Variants in NCLN observed in about 807,000 individuals in gnomAD.
The protein encoded by NCLN is BOS complex subunit NCLN.
Under a neutral mutation model 69.5 loss-of-function variants are expected in NCLN, and 34 were observed. The observed-to-expected ratio is 0.49, with a 90% CI of 0.37 to 0.65. The LOEUF (loss-of-function observed/expected upper bound fraction) is 0.65, where lower values mean the gene tolerates loss of function less well. NCLN is among the 30% of genes least tolerant of loss of function. The pLI, the probability that NCLN is intolerant of heterozygous loss-of-function variation, is 0.00. For missense variants in NCLN, 710 were observed against 804.8 expected (o/e 0.88, Z 1.42); for synonymous variants, 393 against 358.3 (o/e 1.10, Z -1.09).
chr19:3,194,080 G>A (rs1420902612), intron 3 of NCLN, among the ~76,000 whole-genome samples: 1 of 152,234 alleles, frequency 6.6e-6, no homozygotes, highest in Non-Finnish European at 1.5e-5. Context: ...ACAGGCAGGT[G>A]TGTCCTGGCC....
intron 3 of NCLN, among the ~76,000 whole-genome samples, 155 bp from the exon 4 acceptor site, chr19:3,196,028 C>T (rs1277859781): frequency 1.3e-5 from 2 of 152,168 alleles, no homozygotes; most frequent in Non-Finnish European, 2.9e-5. Context: ...AGGGGGAGCA[C>T]GGGCATCCTG....
Position 3,206,384 on chromosome 19 carries a change from C to A in NCLN, c.1458C>A (p.Tyr486Ter). Residue 486 changes from tyrosine (Y) to a stop codon, truncating the protein, a stop_gained, in exon 12 of 15, where the codon TAC becomes TAA. Transcript: ENST00000246117. LOFTEE classifies it high-confidence loss of function. ...CGCTGGAGCACCACCTGAGCCGCTA[C>A]CTGAAGGACGTGAAGCAGCACCACG... ...LSTLEHHLSR[Y>*]LKDVKQHHVK... The A allele has an allele frequency of 6.5e-7, 1 of 1,548,242 alleles. No individual in the cohort carries two copies. The highest frequency in any genetic ancestry group is 8.7e-7 in the Non-Finnish European group (1 of 1,146,940).
At chr19:3,200,299 A>G (rs962122677) in intron 5 of NCLN, among the ~76,000 whole-genome samples, 8 of 136,434 alleles carry the variant, frequency 5.9e-5, no homozygotes, top group African/African-American at 8.3e-5. Flanking sequence ...TTTTAAATTT[A>G]TTTTATTTAT....
chr19:3,186,275 C>G, intron 1 of NCLN, 61 bp downstream of exon 1: 3 of 1,391,768 alleles, frequency 2.2e-6, no homozygotes, highest in Non-Finnish European at 2.8e-6. Context: ...CACTCCGGCC[C>G]GGCGATCCCC....
chr19:3,189,059 A>G (rs1378414052), intron 1 of NCLN, among the ~76,000 whole-genome samples: 3 of 152,114 alleles, frequency 2.0e-5, no homozygotes, highest in Non-Finnish European at 2.9e-5. Flanking sequence ...TCCTTTCCCA[A>G]CTTCCTTCCT....
intron 6 of NCLN, among the ~76,000 whole-genome samples, 169 bp downstream of exon 6, chr19:3,201,795 C>A (rs909365537): frequency 6.6e-6 from 1 of 152,212 alleles, no homozygotes; most frequent in African/African-American, 2.4e-5. Flanking sequence ...TGAGCCCTCG[C>A]AGGCTCTGTC....
In NCLN at chr19:3,206,157, AC is replaced by A; in HGVS notation, c.1307del (p.Pro436GlnfsTer20). On this transcript the variant is annotated frameshift_variant, in exon 11 of 15. Coordinates refer to ENST00000246117, the MANE Select transcript of NCLN (RefSeq NM_020170.4). LOFTEE classifies it high-confidence loss of function. The stretch of plus-strand genomic sequence containing the variant: ...ATCCCCTCCTCTCTCCGCAGGGGAC[AC>A]CCCCAGACATGCCGGTGTTCACAGA... Reference protein sequence around the residue: ...VIYNLTEKGTPPDMPVFTEQM... With the variant: ...VIYNLTEKGTXPDMPVFTEQM... 1.6e-6 allele frequency: 2 copies of A among 1,246,336 alleles called. No individual in the cohort carries two copies. The highest frequency in any genetic ancestry group is 1.3e-5 in the South Asian group (1 of 74,778). 77.2% of individuals were successfully genotyped at this position (1,246,336 alleles called of 1,614,324 possible).
At chr19:3,195,471 G>T (rs1419903807) in intron 3 of NCLN, among the ~76,000 whole-genome samples, 1 of 152,102 alleles carries the variant, frequency 6.6e-6, no homozygotes, top group African/African-American at 2.4e-5. Flanking sequence ...GGAGGGTCTC[G>T]ATCTCCTGAC....
intron 1 of NCLN, among the ~76,000 whole-genome samples, chr19:3,188,983 T>C (rs1028287534): frequency 6.6e-6 from 1 of 152,206 alleles, no homozygotes; most frequent in African/African-American, 2.4e-5. Flanking sequence ...CACCACCATC[T>C]TCCCGGTGTG....
chr19:3,202,867 T>C (rs1163679069), intron 6 of NCLN, among the ~76,000 whole-genome samples: 8 of 152,092 alleles, frequency 5.3e-5, no homozygotes, highest in Non-Finnish European at 7.4e-5. Flanking sequence ...GCCTGGGGGC[T>C]TCTTGGCAGC....
At chr19:3,203,525 C>T (rs1284987383) in intron 6 of NCLN, among the ~76,000 whole-genome samples, 1 of 152,038 alleles carries the variant, frequency 6.6e-6, no homozygotes. Context: ...TGGGTGAGGC[C>T]AGGGATGCCA....
In NCLN at chr19:3,205,908, C is replaced by A. The variant is rs370268516; in HGVS notation, c.1209-31C>A. 9.3e-6 allele frequency: 15 copies of A among 1,609,806 alleles called. No homozygotes were observed. Among genetic ancestry groups the A allele is most frequent in the Admixed American group, 1.7e-5 (1 of 59,954 alleles). ...GCTACCTTGCCTGGCCCAAAGTCCA[C>A]ATTTTAAAACATTGTTTTTGAATCG... On this transcript the variant is annotated intron_variant, in intron 9 of 14. Coordinates refer to ENST00000246117, the MANE Select transcript of NCLN (RefSeq NM_020170.4). This position sits in a 1 kb window ranked among gnomAD's most constrained non-coding sequence, Gnocchi z 4.6.
At chr19:3,188,734 CGT>C (rs1223980023) in intron 1 of NCLN, among the ~76,000 whole-genome samples, 1 of 152,238 alleles carries the variant, frequency 6.6e-6, no homozygotes, top group Non-Finnish European at 1.5e-5. Flanking sequence ...CCAGCTGGTC[CGT>C]GGGCTCCCGG....
At position 3,193,166 on chromosome 19, in the gene NCLN, C is replaced by A. The variant is rs1033372028; in HGVS notation, c.376-118C>A. The A allele has an allele frequency of 5.1e-6, 5 of 980,064 alleles. No individual in the cohort carries two copies. The African/African-American group carries it at 5.2e-5, about 10-fold the overall frequency. 60.7% of individuals were successfully genotyped at this position (980,064 alleles called of 1,614,324 possible). A position where few individuals can be genotyped will look rare whatever the true frequency, so the allele number is the denominator to read the frequency against. On this transcript the variant is annotated intron_variant, in intron 2 of 14. Transcript: ENST00000246117. ...ACAGTCACTGGGCCCCCTGCTACCC[C>A]CTCCAGGGACAGTCACTGGGCCCCC...
At chr19:3,186,698 C>T (rs906679260) in intron 1 of NCLN, among the ~76,000 whole-genome samples, 5 of 152,216 alleles carry the variant, frequency 3.3e-5, no homozygotes, top group African/African-American at 1.2e-4. Flanking sequence ...CACTGGGTCA[C>T]GTCCGTGTTC....
At chr19:3,188,244 T>C (rs2144892117) in intron 1 of NCLN, among the ~76,000 whole-genome samples, 1 of 151,916 alleles carries the variant, frequency 6.6e-6, no homozygotes, top group Middle Eastern at 3.4e-3. Context: ...CCTGGGCAGG[T>C]GTGGGCCCCC....
intron 1 of NCLN, among the ~76,000 whole-genome samples, chr19:3,188,806 C>T (rs1299862326): frequency 3.3e-5 from 5 of 152,244 alleles, no homozygotes; most frequent in East Asian, 3.8e-4. Flanking sequence ...TCCTCATCTG[C>T]GCCCTGGGAA....
rs1173141931 is a variant in NCLN, at chr19:3,208,584, C to G, written c.*896C>G. The stretch of plus-strand genomic sequence containing the variant: ...TGTTTCCTGGGCTCGGTACTGGGCC[C>G]CCAGGCCATCCAGGCTTTGCCACGG... On this transcript the variant is annotated 3_prime_UTR_variant, in exon 15 of 15. Transcript: ENST00000246117. The G allele has an allele frequency of 6.6e-6, 1 of 152,452 alleles. No individual in the cohort carries two copies. The highest frequency in any genetic ancestry group is 1.5e-5 in the Non-Finnish European group (1 of 68,192). 9.4% of individuals were successfully genotyped at this position (152,452 alleles called of 1,614,324 possible).
intron 1 of NCLN, among the ~76,000 whole-genome samples, chr19:3,190,457 G>A (rs974658699): frequency 6.6e-6 from 1 of 152,160 alleles, no homozygotes; most frequent in Non-Finnish European, 1.5e-5. Context: ...CAGACACCCC[G>A]TTGGAGCAGG....
Sources: gnomAD v4.1 joint callset for allele counts (sites outside exome capture counted in the v4.1 genomes callset) on GRCh38, gnomAD v4.1.1 for gene constraint, Gnocchi (gnomAD v3.1) non-coding constraint, MANE v1.5 for transcripts, NCBI Gene and HGNC (gene_info 2026-07-23, HGNC 2026-07-21) for gene names.